The following SFPQ variants were observed in gnomAD, a reference collection of about 807,000 sequenced individuals.
The protein encoded by SFPQ is splicing factor, proline- and glutamine-rich.
In SFPQ, 11 loss-of-function variants were observed where a neutral mutation model predicts 72.9. The ratio of observed to expected loss-of-function variants is 0.15; its 90% CI spans 0.09 to 0.25. The LOEUF is 0.25. SFPQ is among the 10% of genes least tolerant of loss of function. The pLI, the probability that SFPQ is intolerant of heterozygous loss-of-function variation, is 1.00. For synonymous variants in SFPQ, 506 were observed against 367.3 expected, an observed-to-expected ratio of 1.38 and a Z score of -4.32; for missense variants, 847 against 993.3, an observed-to-expected ratio of 0.85 and a Z score of 1.98.
chr1:35,183,094 C>CTG lies in SFPQ; in HGVS notation c.*1361_*1362insCA, dbSNP rs575872799. The CTG allele has an allele frequency of 9.1e-5, 94 of 1,030,312 alleles. No homozygotes were observed. The highest frequency in any genetic ancestry group is 8.9e-5 in the Non-Finnish European group (76 of 858,598). The allele number at this position is 1,030,312 out of a possible 1,614,324, so 63.8% of individuals were successfully genotyped here. A position where few individuals can be genotyped will look rare whatever the true frequency, so the allele number is the denominator to read the frequency against. ...TGCAACCCTATTTGTTAACAATCAC[C>CTG]ACTAGCTCTTAGAAGAGAACCAATA... is the stretch of plus-strand genomic sequence containing the variant. On this transcript the variant is annotated 3_prime_UTR_variant, in exon 10 of 10. Coordinates refer to ENST00000357214, the MANE Select transcript of SFPQ (RefSeq NM_005066.3).
chr1:35,181,296 A>C (rs1203490592), downstream of SFPQ: 36 of 1,065,564 alleles, frequency 3.4e-5, no homozygotes, highest in Non-Finnish European at 4.0e-5. Context: ...ATAGTGCATA[A>C]TTGCAGTCCA....
At chr1:35,180,717 T>C (rs540090771), downstream of SFPQ, 1 of 1,059,038 alleles carries the variant, frequency 9.4e-7, no homozygotes, top group South Asian at 4.6e-5. Flanking sequence ...ATATTGCCGA[T>C]CTATGGGCAG....
rs751719235 is a variant in SFPQ at position 35,191,412 on chromosome 1, G to C, written c.946C>G (p.Leu316Val). The part of the protein sequence containing the change: ...ADITEDEFKR[L>V]FAKYGEPGEV... ...CCTGGTTCTCCATATTTAGCAAATA[G>C]TCTTTTGAATTCATCCTCCGTGATA... Residue 316 changes from leucine to valine, a missense_variant, in exon 2 of 10, where the codon CTA becomes GTA. By Grantham distance (32) the Leu-to-Val change is conservative. Transcript: ENST00000357214. 2 of 1,613,936 alleles carry C rather than the reference G, an allele frequency of 1.2e-6. No homozygotes were observed. Among genetic ancestry groups the C allele is most frequent in the African/African-American group, 1.3e-5 (1 of 75,024 alleles).
chr1:35,179,461 A>T, downstream of SFPQ: 6 of 1,056,098 alleles, frequency 5.7e-6, no homozygotes, highest in Non-Finnish European at 6.9e-6. Context: ...TGAACCCAAG[A>T]CTGTTCTCAT....
chr1:35,182,762 T>C, downstream of SFPQ: 3 of 985,406 alleles, frequency 3.0e-6, no homozygotes, highest in Non-Finnish European at 3.6e-6. Flanking sequence ...AGCCAAACCA[T>C]TCAATTACTT....
rs1639811692 is a variant in SFPQ, at chr1:35,188,069, T to C, written c.1719A>G (p.Arg573=). The stretch of plus-strand genomic sequence containing the variant: ...GACGAATCATCATCTCTTCCTCTCT[T>C]CTACGTCGTTCCTCCTCTTGCCTAG... ...MQLRQEEERR[R]REEEMMIRQR... The change falls in exon 7 of 10, where the codon AGA becomes AGG. Residue 573 remains arginine, a synonymous_variant. Coordinates refer to ENST00000357214, the MANE Select transcript of SFPQ (RefSeq NM_005066.3). 6.2e-7 allele frequency: 1 copy of C among 1,613,878 alleles called. No homozygotes were observed.
chr1:35,186,243 C>T (rs1639705174), intron 9 of SFPQ, among the ~76,000 whole-genome samples: 1 of 152,164 alleles, frequency 6.6e-6, no homozygotes, highest in Non-Finnish European at 1.5e-5. Flanking sequence ...TCTAAACCCA[C>T]CAAAATTCAG....
chr1:35,181,667 G>T, downstream of SFPQ: 4 of 1,060,484 alleles, frequency 3.8e-6, no homozygotes, highest in Non-Finnish European at 4.6e-6. Context: ...AAAATTATGA[G>T]AAAGTGGAGA....
chr1:35,182,727 T>A (rs534052955), downstream of SFPQ: 12 of 985,424 alleles, frequency 1.2e-5, no homozygotes, highest in South Asian at 5.6e-4. Flanking sequence ...ATGTACAGAT[T>A]TGAATGGAAC....
Position 35,189,392 on chromosome 1 carries a change from C to A in SFPQ, c.1416-10G>T, listed in dbSNP as rs1639883574. 6.2e-7 allele frequency: 1 copy of A among 1,608,002 alleles called. No individual in the cohort carries two copies. The highest frequency in any genetic ancestry group is 2.2e-5 in the East Asian group (1 of 44,828). ...AGGGGTTTCTCTCTCCCTAACAATA[C>A]ACAAAATTTTAACATGAACCGATTT... On this transcript the variant is annotated splice_polypyrimidine_tract_variant and intron_variant, in intron 4 of 9. Transcript: ENST00000357214.
rs1194152807 is a variant in SFPQ at position 35,192,239 on chromosome 1, TCTC to T, written c.808_810del (p.Glu270del). 6.2e-6 allele frequency: 9 copies of T among 1,461,544 alleles called. No homozygotes were observed. Among genetic ancestry groups the T allele is most frequent in the African/African-American group, 1.5e-5 (1 of 67,254 alleles). The allele number at this position is 1,461,544 out of a possible 1,614,324, so 90.5% of individuals were successfully genotyped here. On this transcript the variant is annotated inframe_deletion, in exon 1 of 10. Transcript: ENST00000357214. ...ACACTCACCTCCGAGTCCGAGATCT[TCTC>T]CTCGCTGCGGCCGCCGGGCCCGCCG...
intron 9 of SFPQ, among the ~76,000 whole-genome samples, chr1:35,185,710 A>G (rs1438914857): frequency 1.3e-5 from 2 of 152,206 alleles, no homozygotes; most frequent in African/African-American, 2.4e-5. Context: ...AATACTATTG[A>G]GCTACTCAAC....
At chr1:35,184,686 C>T in intron 9 of SFPQ, 93 bp from the exon 10 acceptor site, 1 of 1,414,884 alleles carries the variant, frequency 7.1e-7, no homozygotes. Context: ...CAACGTTCGT[C>T]GATACAATCA....
At position 35,187,336 on chromosome 1, in the gene SFPQ, A is replaced by T. The variant is rs1370616095; in HGVS notation, c.1816-85T>A. The T allele has an allele frequency of 2.5e-6, 3 of 1,217,850 alleles. No individual in the cohort carries two copies. In the African/African-American group the frequency reaches 4.5e-5, roughly 18 times the overall value. 75.4% of individuals were successfully genotyped at this position (1,217,850 alleles called of 1,614,324 possible). ...GAACTGAGAAATTTTCAAGAGTTAAATAAAAAACATGGTAAAGTTCAAAAG... is the reference window on the plus strand; with the variant it reads ...GAACTGAGAAATTTTCAAGAGTTAATTAAAAAACATGGTAAAGTTCAAAAG... On this transcript the variant is annotated intron_variant, in intron 7 of 9. Transcript: ENST00000357214.
chr1:35,193,145 C>G lies in SFPQ; in HGVS notation c.-96G>C, dbSNP rs921909795. 6.1e-6 allele frequency: 9 copies of G among 1,466,910 alleles called. No individual in the cohort carries two copies. Among genetic ancestry groups the G allele is most frequent in the African/African-American group, 2.9e-5 (2 of 68,172 alleles). The allele number at this position is 1,466,910 out of a possible 1,614,324, so 90.9% of individuals were successfully genotyped here. ...CTCACAAAATGGCGGATGACACAGGCGGCGCGCCGCCTTTGTCCTCGTCTT... is the reference window on the plus strand; with the variant it reads ...CTCACAAAATGGCGGATGACACAGGGGGCGCGCCGCCTTTGTCCTCGTCTT... On this transcript the variant is annotated 5_prime_UTR_variant, in exon 1 of 10. Coordinates refer to ENST00000357214, the MANE Select transcript of SFPQ (RefSeq NM_005066.3).
Position 35,192,232 on chromosome 1 carries a change from G to C in SFPQ, c.818C>G (p.Ser273Trp). Reference sequence around the variant, plus strand: ...CCCATAGACACTCACCTCCGAGTCCGAGATCTTCTCCTCGCTGCGGCCGCC... The same window carrying C: ...CCCATAGACACTCACCTCCGAGTCCCAGATCTTCTCCTCGCTGCGGCCGCC... ...GPGGRSEEKISDSEGFKANLS... is the reference protein window; with the variant it reads ...GPGGRSEEKIWDSEGFKANLS... Residue 273 changes from serine (S) to tryptophan (W), a missense_variant, in exon 1 of 10, where the codon TCG (serine) becomes TGG (tryptophan). By Grantham distance (177) the Ser-to-Trp change is radical. Around this residue, in one of 6 missense-constraint regions of SFPQ, gnomAD observed 498 missense variants for 405.1 expected, o/e 1.23. Transcript: ENST00000357214. 3 of 1,460,170 alleles carry C rather than the reference G, an allele frequency of 2.1e-6. No homozygotes were observed. Among genetic ancestry groups the C allele is most frequent in the Non-Finnish European group, 1.8e-6 (2 of 1,113,672 alleles). The allele number at this position is 1,460,170 out of a possible 1,614,324, so 90.5% of individuals were successfully genotyped here.
chr1:35,189,343 C>A lies in SFPQ; in HGVS notation c.1455G>T (p.Thr485=), dbSNP rs754118017. ...ATCGCTGAGAATATTCGTACTCAAA[C>A]GTGCCATGCTGGGCAAAACGAGGAG... The part of the protein sequence containing the change: ...ETPPRFAQHG[T]FEYEYSQRWK... Residue 485 remains threonine (T), a synonymous_variant, in exon 5 of 10, where the codon ACG becomes ACT. Transcript: ENST00000357214. The A allele has an allele frequency of 6.2e-7, 1 of 1,613,942 alleles. No homozygotes were observed. Among genetic ancestry groups the A allele is most frequent in the Non-Finnish European group, 8.5e-7 (1 of 1,180,016 alleles).
chr1:35,188,606 C>T (rs1487983845), intron 6 of SFPQ, among the ~76,000 whole-genome samples: 1 of 152,152 alleles, frequency 6.6e-6, no homozygotes, highest in Non-Finnish European at 1.5e-5. Context: ...GAGTTTGAGA[C>T]TGCAGTGAGC....
At chr1:35,192,076 C>A (rs868640532) in intron 1 of SFPQ, 146 bp downstream of exon 1, 1 of 539,468 alleles carries the variant, frequency 1.9e-6, no homozygotes, top group Non-Finnish European at 2.8e-6. Context: ...GACCGACGGC[C>A]CCGCAGGCCG....
Sources: gnomAD v4.1 joint callset for allele counts (sites outside exome capture counted in the v4.1 genomes callset) on GRCh38, gnomAD v4.1.1 for gene constraint, gnomAD v4.1.1 regional missense constraint, MANE v1.5 for transcripts, NCBI Gene and HGNC (gene_info 2026-07-23, HGNC 2026-07-21) for gene names.